The following NBPF9 variants were observed in gnomAD, a reference collection of about 807,000 sequenced individuals.
NBPF9 encodes NBPF member 9, also known as NBPF family member NBPF9.
A neutral mutation model predicts 97.8 loss-of-function variants in NBPF9; 91 were observed. The ratio of observed to expected loss-of-function variants is 0.93; its 90% CI spans 0.79 to 1.11. The LOEUF is 1.11. NBPF9 is among the 50% of genes least tolerant of loss of function. NBPF9 has a pLI of 0.00. For missense variants in NBPF9, 992 were observed against 939.5 expected (o/e 1.06, Z -0.73); for synonymous variants, 334 against 359.5 (o/e 0.93, Z 0.80).
At chr1:149,064,848 G>C in intron 18 of NBPF9, 2 of 539,752 alleles carry the variant, frequency 3.7e-6, no homozygotes, top group East Asian at 3.7e-5. Flanking sequence ...GAATTTGATA[G>C]TTTATGAGAT....
chr1:149,085,335 A>G (rs2080902323), intron 5 of NBPF9, among the ~76,000 whole-genome samples: 1 of 152,178 alleles, frequency 6.6e-6, no homozygotes, highest in Non-Finnish European at 1.5e-5. Context: ...ATGAATACTT[A>G]CACCATTACT....
chr1:149,087,963 G>A (rs1486018602), intron 5 of NBPF9, among the ~76,000 whole-genome samples: 2 of 150,204 alleles, frequency 1.3e-5, no homozygotes, highest in African/African-American at 2.4e-5. Flanking sequence ...CTCCCAAGTA[G>A]CTGGACTACA....
In NBPF9 at chr1:149,090,838, G is replaced by C; in HGVS notation, c.-280C>G. 1 of 572,766 alleles carries C rather than the reference G, an allele frequency of 1.7e-6. No homozygotes were observed. Among genetic ancestry groups the C allele is most frequent in the Non-Finnish European group, 3.0e-6 (1 of 329,946 alleles). The allele number at this position is 572,766 out of a possible 1,614,324, so 35.5% of individuals were successfully genotyped here. The stretch of plus-strand genomic sequence containing the variant: ...ATTCCCAACCAGTAAATCTTAGCAA[G>C]ATCTGAGTTTCTCCAGGTATGATAT... On this transcript the variant is annotated 5_prime_UTR_variant, in exon 5 of 30. It adds an upstream start codon to the 5' untranslated region. Coordinates refer to ENST00000584027, the Ensembl canonical transcript of NBPF9.
Position 149,081,958 on chromosome 1 carries a change from A to T in NBPF9, c.175+7T>A, listed in dbSNP as rs1553656868. The T allele has an allele frequency of 1.0e-4, 155 of 1,556,548 alleles. 3 individuals carry two copies. In the South Asian group the frequency reaches 1.7e-3, roughly 17 times the overall value. On this transcript the variant is annotated splice_region_variant and intron_variant, in intron 7 of 29. Coordinates refer to ENST00000584027, the Ensembl canonical transcript of NBPF9. ...CACTTTCATGACGGTGAGCCTATAG[A>T]TCTTACTGTATTTCTTCTGTCGGTT...
intron 21 of NBPF9, 73 bp downstream of exon 21, chr1:149,062,789 C>A (rs1456954049): frequency 5.2e-6 from 4 of 766,976 alleles, no homozygotes; most frequent in Non-Finnish European, 9.5e-6. Context: ...ATTGAACACA[C>A]TCTTGTTTTC....
At chr1:149,093,199 G>T (rs879961145) in intron 4 of NBPF9, among the ~76,000 whole-genome samples, 1 of 151,534 alleles carries the variant, frequency 6.6e-6, no homozygotes, top group African/African-American at 2.4e-5. Flanking sequence ...CTTTTGATGT[G>T]CATATACAGA....
intron 5 of NBPF9, among the ~76,000 whole-genome samples, chr1:149,089,622 T>C (rs1211582570): frequency 5.9e-5 from 9 of 152,298 alleles, no homozygotes; most frequent in Non-Finnish European, 8.8e-5. Flanking sequence ...AAAAGGAGAA[T>C]ACTAGCTAAT....
downstream of NBPF9, chr1:149,053,928 TC>T (rs2078050540): frequency 7.3e-6 from 1 of 136,288 alleles, no homozygotes; most frequent in African/African-American, 3.0e-5. Flanking sequence ...ACACACACAC[TC>T]ACACTCACGA....
At chr1:149,055,677 C>A in exon 30 of NBPF9, 3 of 1,611,892 alleles carry the variant, frequency 1.9e-6, no homozygotes, top group Non-Finnish European at 1.7e-6. Flanking sequence ...ATATGACTTC[C>A]ATCTGGAACA....
intron 4 of NBPF9, among the ~76,000 whole-genome samples, chr1:149,097,300 G>C (rs2081844645): frequency 1.3e-5 from 2 of 152,198 alleles, no homozygotes; most frequent in Non-Finnish European, 2.9e-5. Context: ...AGTTATTGGA[G>C]AGAGACGCAC....
At chr1:149,082,957 C>CTTTTTTTTTTTATTTTTTTTTTTTTTT in intron 5 of NBPF9, among the ~76,000 whole-genome samples, 1 of 66,470 alleles carries the variant, frequency 1.5e-5, no homozygotes, top group Non-Finnish European at 2.6e-5. Flanking sequence ...TTTTTCTTTT[C>CTTTTTTTTTTTATTTTTTTTTTTTTTT]TTTTTTTTTT....
At chr1:149,064,035 C>CACACACACAA (rs1357284871) in intron 19 of NBPF9, among the ~76,000 whole-genome samples, 1 of 133,024 alleles carries the variant, frequency 7.5e-6, no homozygotes, top group Non-Finnish European at 1.6e-5. Context: ...CACACACACA[C>CACACACACAA]ACAGAGCGAG....
At chr1:149,061,021 A>G in intron 23 of NBPF9, 1 of 416,608 alleles carries the variant, frequency 2.4e-6, no homozygotes, top group Non-Finnish European at 4.4e-6. Flanking sequence ...CTCAGGACAC[A>G]CAGCATACAG....
chr1:149,062,197 G>A (rs782090687), exon 22 of NBPF9: 11 of 1,010,638 alleles, frequency 1.1e-5, no homozygotes, highest in East Asian at 2.4e-5. Context: ...TGAAGGAGTC[G>A]AATACCATCT....
intron 14 of NBPF9, among the ~76,000 whole-genome samples, chr1:149,072,377 AGAC>A (rs1424030375): frequency 6.6e-6 from 1 of 152,196 alleles, no homozygotes; most frequent in African/African-American, 2.4e-5. Flanking sequence ...ATTGCCGAAA[AGAC>A]AGCCTGGGAA....
intron 5 of NBPF9, among the ~76,000 whole-genome samples, chr1:149,082,686 G>A (rs1200908957): frequency 7.0e-6 from 1 of 143,652 alleles, no homozygotes; most frequent in Non-Finnish European, 1.5e-5. Flanking sequence ...CATCATCAAG[G>A]CAGAAACAGT....
chr1:149,055,547 A>C, exon 30 of NBPF9: 1 of 1,567,876 alleles, frequency 6.4e-7, no homozygotes, highest in South Asian at 1.2e-5. Context: ...ATGCCCACTG[A>C]CCCATCCTAT....
At chr1:149,064,783 T>C in intron 18 of NBPF9, 1 of 594,416 alleles carries the variant, frequency 1.7e-6, no homozygotes, top group Non-Finnish European at 3.0e-6. Context: ...CAAATAGTTC[T>C]AACACCTCAT....
exon 30 of NBPF9, chr1:149,055,382 T>A: frequency 3.2e-6 from 2 of 625,626 alleles, no homozygotes; most frequent in Non-Finnish European, 5.3e-6. Flanking sequence ...ATTTTGTAGC[T>A]ACCCAGAGAT....
Sources: allele counts gnomAD v4.1 joint callset (sites outside exome capture counted in the v4.1 genomes callset), GRCh38; gene constraint gnomAD v4.1.1; transcripts MANE v1.5; gene names NCBI Gene and HGNC (gene_info 2026-07-23, HGNC 2026-07-21).